The following PTPRM variants were observed in gnomAD, a reference collection of about 807,000 sequenced individuals.
PTPRM encodes the protein protein tyrosine phosphatase receptor type M.
PTPRM carries 47 observed loss-of-function variants against 186.7 expected under a neutral mutation model. That is an observed-to-expected ratio of 0.25 (90% CI 0.20 to 0.32). The LOEUF (loss-of-function observed/expected upper bound fraction) is 0.32. Among genes scored for constraint, PTPRM ranks in the 10% least tolerant of loss-of-function variants. The pLI is 1.00. For missense variants in PTPRM, 1,494 were observed against 1,865.0 expected (o/e 0.80, Z 3.66); for synonymous variants, 668 against 674.9 (o/e 0.99, Z 0.16).
chr18:7,976,844 A>G (rs185786723), intron 7 of PTPRM, among the ~76,000 whole-genome samples: 241 of 152,052 alleles, frequency 1.6e-3, no homozygotes, highest in African/African-American at 5.6e-3. Context: ...GGTAAGATTT[A>G]TTTCTTTTCT....
chr18:7,822,780 A>G (rs1457324138), intron 2 of PTPRM, among the ~76,000 whole-genome samples: 2 of 152,156 alleles, frequency 1.3e-5, no homozygotes, highest in Non-Finnish European at 2.9e-5. Flanking sequence ...GTCACCTGAA[A>G]TGCTTAGCCT....
At chr18:7,745,573 G>C (rs2040969013) in intron 1 of PTPRM, among the ~76,000 whole-genome samples, 1 of 152,228 alleles carries the variant, frequency 6.6e-6, no homozygotes, top group Non-Finnish European at 1.5e-5. Flanking sequence ...ATAGGAAGTA[G>C]ACCAGCTTGA....
intron 14 of PTPRM, among the ~76,000 whole-genome samples, chr18:8,212,328 G>T (rs928068715): frequency 6.6e-6 from 1 of 152,132 alleles, no homozygotes; most frequent in African/African-American, 2.4e-5. Context: ...GTGGCCTGCA[G>T]GTAATGCACT....
intron 22 of PTPRM, among the ~76,000 whole-genome samples, chr18:8,324,881 G>C (rs2095366144): frequency 6.6e-6 from 1 of 152,174 alleles, no homozygotes; most frequent in African/African-American, 2.4e-5. Flanking sequence ...GCCTCCCATA[G>C]GTGACCTTGG....
intron 13 of PTPRM, among the ~76,000 whole-genome samples, chr18:8,126,122 C>T (rs1298183369): frequency 1.3e-5 from 2 of 148,426 alleles, no homozygotes; most frequent in Non-Finnish European, 3.0e-5. Flanking sequence ...CTGTCTTGTT[C>T]CCAGTGTAGC....
At chr18:8,185,648 G>T (rs976995623) in intron 14 of PTPRM, among the ~76,000 whole-genome samples, 6 of 152,198 alleles carry the variant, frequency 3.9e-5, no homozygotes, top group African/African-American at 1.4e-4. Context: ...ACCCGTCTTT[G>T]TGTGTCTTGT....
chr18:8,044,975 C>T (rs73385681), intron 7 of PTPRM, among the ~76,000 whole-genome samples: 4,601 of 152,130 alleles, frequency 0.03, 211 homozygotes, highest in African/African-American at 0.11. Flanking sequence ...GACAGAATAC[C>T]ATCTGACCCA....
chr18:7,790,034 A>G (rs1296338472), intron 2 of PTPRM, among the ~76,000 whole-genome samples: 1 of 152,172 alleles, frequency 6.6e-6, no homozygotes, highest in Non-Finnish European at 1.5e-5. Flanking sequence ...CCCCCAGCAG[A>G]TGGAGACGTG....
chr18:7,833,743 A>AAACAAC (rs150303636), intron 2 of PTPRM, among the ~76,000 whole-genome samples: 2,968 of 149,698 alleles, frequency 0.02, 34 homozygotes, highest in South Asian at 0.026. Context: ...TCAGAAAGAA[A>AAACAAC]AACAACAACA....
intron 1 of PTPRM, among the ~76,000 whole-genome samples, chr18:7,769,671 A>G (rs77702671): frequency 0.02 from 2,974 of 152,148 alleles, 90 homozygotes; most frequent in African/African-American, 0.068. Context: ...TAACAGTTTT[A>G]TCGATTTAAT....
intron 1 of PTPRM, among the ~76,000 whole-genome samples, chr18:7,748,631 A>G (rs1018569214): frequency 2.0e-5 from 3 of 152,232 alleles, no homozygotes; most frequent in African/African-American, 4.8e-5. Context: ...TATTTAACCC[A>G]CTGACATTTG....
At chr18:7,689,149 A>AT (rs5822978) in intron 1 of PTPRM, among the ~76,000 whole-genome samples, 67,934 of 151,990 alleles carry the variant, frequency 0.45, 17,080 homozygotes, top group East Asian at 0.84. Flanking sequence ...TAAATGAGAT[A>AT]TAAAGTAACT....
chr18:7,582,488 C>T (rs941039461), intron 1 of PTPRM, among the ~76,000 whole-genome samples: 1 of 152,162 alleles, frequency 6.6e-6, no homozygotes, highest in Non-Finnish European at 1.5e-5. Flanking sequence ...GTTACAAGGC[C>T]AGCCTAGAAT....
intron 2 of PTPRM, among the ~76,000 whole-genome samples, chr18:7,790,430 G>A: frequency 6.6e-6 from 1 of 152,168 alleles, no homozygotes; most frequent in East Asian, 1.9e-4. Flanking sequence ...GCAGGGTAAA[G>A]TTTGGTCACG....
At chr18:8,238,621 T>A (rs537012561) in intron 14 of PTPRM, among the ~76,000 whole-genome samples, 1 of 151,620 alleles carries the variant, frequency 6.6e-6, no homozygotes, top group Non-Finnish European at 1.5e-5. Context: ...GGTTTTGTTG[T>A]TTGCTCTGTC....
At chr18:7,783,519 C>T (rs1236392188) in intron 2 of PTPRM, among the ~76,000 whole-genome samples, 3 of 152,064 alleles carry the variant, frequency 2.0e-5, no homozygotes, top group East Asian at 1.9e-4. Flanking sequence ...GGAAGACTTC[C>T]CACTTGGATT....
chr18:8,263,447 C>T (rs2043107585), intron 19 of PTPRM, among the ~76,000 whole-genome samples: 1 of 152,152 alleles, frequency 6.6e-6, no homozygotes, highest in Non-Finnish European at 1.5e-5. Context: ...CTTTACATTT[C>T]TTATTTAACC....
chr18:7,668,344 G>T lies in PTPRM; in HGVS notation c.73+100453G>T, dbSNP rs1021254565. Reference sequence around the variant, plus strand: ...ACCACCCACAGCCTTTTCTCTCTCAGCCCAGAGCAGACACCATTATTCTTA... The same window carrying T: ...ACCACCCACAGCCTTTTCTCTCTCATCCCAGAGCAGACACCATTATTCTTA... On this transcript the variant is annotated intron_variant, in intron 1 of 32. Transcript: ENST00000580170. This position sits in a 1 kb window ranked among gnomAD's most constrained non-coding sequence, Gnocchi z 4.7. Among the ~76,000 whole-genome samples the T allele has an allele frequency of 6.6e-6, 1 of 152,136 alleles. No individual in the cohort carries two copies.
chr18:8,185,993 A>G (rs1252777482), intron 14 of PTPRM, among the ~76,000 whole-genome samples: 1 of 152,166 alleles, frequency 6.6e-6, no homozygotes, highest in Non-Finnish European at 1.5e-5. Flanking sequence ...TATTTGTTGG[A>G]CATTTTGTGA....
Sources: allele counts gnomAD v4.1 joint callset (sites outside exome capture counted in the v4.1 genomes callset), GRCh38; gene constraint gnomAD v4.1.1; non-coding constraint Gnocchi (gnomAD v3.1); transcripts MANE v1.5; gene names NCBI Gene and HGNC (gene_info 2026-07-23, HGNC 2026-07-21).